PCSK6: variants seen among roughly 807,000 people sequenced by gnomAD.
PCSK6 encodes paired basic amino acid cleaving enzyme 4.
In PCSK6, 85 loss-of-function variants were observed where a neutral mutation model predicts 123.3. The observed-to-expected ratio is 0.69, with a 90% CI of 0.58 to 0.83. PCSK6 has a LOEUF of 0.83. Among genes scored for constraint, PCSK6 ranks in the 40% least tolerant of loss-of-function variants. The pLI, the probability that PCSK6 is intolerant of heterozygous loss-of-function variation, is 0.00. For missense variants in PCSK6, 1,191 were observed against 1,282.3 expected (o/e 0.93, Z 1.09); for synonymous variants, 508 against 516.0 (o/e 0.98, Z 0.21).
At position 101,398,134 on chromosome 15, in the gene PCSK6, C is replaced by T. The variant is rs544916514; in HGVS notation, c.996+270G>A. Among the ~76,000 whole-genome samples the T allele has an allele frequency of 3.2e-4, 49 of 152,330 alleles. No individual in the cohort carries two copies. The highest frequency in any genetic ancestry group is 1.2e-3 in the African/African-American group (48 of 41,584). ...CCTTCAGCCAGGGATGGGCAAACTC[C>T]AAGGCAGAGAGGGTCGTGCTAGCAG... is the stretch of plus-strand genomic sequence containing the variant. On this transcript the variant is annotated intron_variant, in intron 7 of 21. Transcript: ENST00000611716. This position sits in a 1 kb window ranked among gnomAD's most constrained non-coding sequence, Gnocchi z 4.6.
At position 101,389,301 on chromosome 15, in the gene PCSK6, C is replaced by A. The variant is rs373802504; in HGVS notation, c.1310+163G>T. Among the ~76,000 whole-genome samples the A allele has an allele frequency of 2.2e-4, 33 of 152,288 alleles. 1 individual carries two copies. The highest frequency in any genetic ancestry group is 7.7e-4 in the African/African-American group (32 of 41,548). On this transcript the variant is annotated intron_variant, in intron 9 of 21. Transcript: ENST00000611716. ...AGAGGGTTCCAGCCTGGGAAGAAGA[C>A]GAAGCTCTGGGAGAGGGATGGTGGT...
chr15:101,367,341 A>AT (rs541981274), intron 12 of PCSK6, among the ~76,000 whole-genome samples: 23 of 152,206 alleles, frequency 1.5e-4, no homozygotes, highest in South Asian at 1.2e-3. Flanking sequence ...TGGAATAAAC[A>AT]TTTTTTTTAA....
chr15:101,483,081 G>A (rs973420972), intron 1 of PCSK6, among the ~76,000 whole-genome samples: 16 of 152,170 alleles, frequency 1.1e-4, no homozygotes, highest in Admixed American at 4.6e-4. Flanking sequence ...AGAACCTCTC[G>A]CAGGCCAGCC....
At position 101,406,167 on chromosome 15, in the gene PCSK6, G is replaced by A. The variant is rs2042772320; in HGVS notation, c.824-7591C>T. ...AGCATTTCCCCTGAAAACTTTCTAG[G>A]AAGCTCAACATTAAGAGCAATGGGA... On this transcript the variant is annotated intron_variant, in intron 6 of 21. Transcript: ENST00000611716. Among the ~76,000 whole-genome samples the A allele has an allele frequency of 2.0e-5, 3 of 152,194 alleles. No individual in the cohort carries two copies. In the South Asian group the frequency reaches 6.2e-4, roughly 32 times the overall value.
intron 2 of PCSK6, among the ~76,000 whole-genome samples, chr15:101,442,618 TTACTC>T (rs1442498270): frequency 3.3e-5 from 5 of 152,154 alleles, no homozygotes; most frequent in Middle Eastern, 3.4e-3. Context: ...CATAAAAACT[TTACTC>T]TAAGTATTTT....
At chr15:101,362,730 A>G (rs538555144) in intron 13 of PCSK6, among the ~76,000 whole-genome samples, 5 of 152,308 alleles carry the variant, frequency 3.3e-5, no homozygotes, top group Admixed American at 2.6e-4. Context: ...TTTTCTAGAT[A>G]AGAAGACCAA....
chr15:101,313,343 G>A (rs754775985), intron 20 of PCSK6, 33 bp downstream of exon 20: 2 of 1,612,516 alleles, frequency 1.2e-6, no homozygotes, highest in South Asian at 2.2e-5. Flanking sequence ...GCTGGACACA[G>A]CTGCCTGCCG....
At chr15:101,407,488 C>G (rs1483691061) in intron 6 of PCSK6, among the ~76,000 whole-genome samples, 2 of 152,116 alleles carry the variant, frequency 1.3e-5, no homozygotes, top group African/African-American at 2.4e-5. Context: ...CACATGCAAG[C>G]CAACCAATCC....
intron 1 of PCSK6, among the ~76,000 whole-genome samples, chr15:101,479,900 G>A (rs932054980): frequency 6.6e-6 from 1 of 152,172 alleles, no homozygotes; most frequent in Admixed American, 6.5e-5. Context: ...CCTCCCAGGG[G>A]GACAGTCCAG....
chr15:101,328,721 C>A (rs577286672), intron 15 of PCSK6, among the ~76,000 whole-genome samples: 2 of 152,282 alleles, frequency 1.3e-5, no homozygotes, highest in African/African-American at 2.4e-5. Context: ...GGCCCCCACA[C>A]TGCACTGAGG....
chr15:101,381,168 C>T lies in PCSK6; in HGVS notation c.1532+924G>A, dbSNP rs537484917. Among the ~76,000 whole-genome samples the T allele has an allele frequency of 2.0e-5, 3 of 152,094 alleles. No individual in the cohort carries two copies. The East Asian group carries it at 5.8e-4, about 29-fold the overall frequency. Reference sequence around the variant, plus strand: ...CCTGAGGTCAAGAGTTTGAGACCAGCCTGGCCAAGATGGTGAAACCCCATC... The same window carrying T: ...CCTGAGGTCAAGAGTTTGAGACCAGTCTGGCCAAGATGGTGAAACCCCATC... On this transcript the variant is annotated intron_variant, in intron 11 of 21. Transcript: ENST00000611716.
chr15:101,427,892 C>T lies in PCSK6; in HGVS notation c.823G>A (p.Gly275Ser). 6.4e-7 allele frequency: 1 copy of T among 1,567,728 alleles called. No individual in the cohort carries two copies. Among genetic ancestry groups the T allele is most frequent in the Non-Finnish European group, 8.7e-7 (1 of 1,155,266 alleles). The change falls in exon 6 of 22, where the codon GGC (glycine) becomes AGC (serine). Residue 275 changes from glycine (G) to serine (S), a missense_variant and splice_region_variant. Transcript: ENST00000611716. The stretch of plus-strand genomic sequence containing the variant: ...CGCAGGCTGCCACGCCCGGCCTTAC[C>T]TCCTATTTTGGCATTGTACGCTATG... ...VGIAYNAKIG[G>S]IRMLDGDVTD...
At position 101,361,598 on chromosome 15, in the gene PCSK6, T is replaced by C. The variant is rs957695105; in HGVS notation, c.1858+4598A>G. Among the ~76,000 whole-genome samples the C allele has an allele frequency of 6.6e-5, 10 of 151,750 alleles. No individual in the cohort carries two copies. The East Asian group carries it at 1.9e-3, about 29-fold the overall frequency. ...GCATGTTAGGGGAACAGAACGGAGGTCAATGATGAGGCGCAGGAAATGATT... is the reference window on the plus strand; with the variant it reads ...GCATGTTAGGGGAACAGAACGGAGGCCAATGATGAGGCGCAGGAAATGATT... On this transcript the variant is annotated intron_variant, in intron 13 of 21. Transcript: ENST00000611716.
Position 101,389,653 on chromosome 15 carries a change from A to G in PCSK6, c.1210-89T>C, listed in dbSNP as rs140493563. Reference sequence around the variant, plus strand: ...GGCTGGGCTACTTCAGGTGCCACTAACTGGCAAGCGTGACCCTGGGTCTCG... The same window carrying G: ...GGCTGGGCTACTTCAGGTGCCACTAGCTGGCAAGCGTGACCCTGGGTCTCG... On this transcript the variant is annotated intron_variant, in intron 8 of 21. Transcript: ENST00000611716. 1.5e-3 allele frequency: 1,532 copies of G among 1,009,250 alleles called. 11 individuals are homozygous for G. The East Asian group carries it at 0.016, about 11-fold the overall frequency. 62.5% of individuals were successfully genotyped at this position (1,009,250 alleles called of 1,614,324 possible).
At chr15:101,313,697 C>T in intron 19 of PCSK6, 192 bp from the exon 20 acceptor site, 1 of 697,968 alleles carries the variant, frequency 1.4e-6, no homozygotes, top group South Asian at 2.0e-5. Context: ...ATCGCCATCA[C>T]CATTTCACAG....
rs567323435 is a variant in PCSK6, at chr15:101,361,992, T to C, written c.1858+4204A>G. ...TTTTTTTTGAGTTGGAGTCTTGCTC[T>C]ATCATCCAGGCTGGAGTGCAGTGGC... On this transcript the variant is annotated intron_variant, in intron 13 of 21. Coordinates refer to ENST00000611716, the MANE Select transcript of PCSK6 (RefSeq NM_002570.5). Among the ~76,000 whole-genome samples the C allele has an allele frequency of 1.1e-3, 164 of 145,972 alleles. 1 individual carries two copies. The highest frequency in any genetic ancestry group is 4.2e-3 in the African/African-American group (162 of 38,468).
chr15:101,487,627 A>C (rs2058049549), intron 1 of PCSK6, among the ~76,000 whole-genome samples: 1 of 152,358 alleles, frequency 6.6e-6, no homozygotes, highest in African/African-American at 2.4e-5. Context: ...TTAGAATCCC[A>C]AAACCCAGGC....
chr15:101,317,132 G>C (rs539073863), intron 19 of PCSK6, among the ~76,000 whole-genome samples: 4 of 152,164 alleles, frequency 2.6e-5, no homozygotes, highest in African/African-American at 9.6e-5. Flanking sequence ...GGCTGGTCTT[G>C]AACTCCTGAC....
intron 2 of PCSK6, among the ~76,000 whole-genome samples, chr15:101,435,761 G>C (rs1042758427): frequency 1.3e-5 from 2 of 152,222 alleles, no homozygotes; most frequent in African/African-American, 4.8e-5. Flanking sequence ...TCCGTTGACT[G>C]TCCCTCTGTT....
Sources: allele counts gnomAD v4.1 joint callset (sites outside exome capture counted in the v4.1 genomes callset), GRCh38; gene constraint gnomAD v4.1.1; non-coding constraint Gnocchi (gnomAD v3.1); transcripts MANE v1.5; gene names NCBI Gene and HGNC (gene_info 2026-07-23, HGNC 2026-07-21).